SGMS2: variants seen among roughly 807,000 people sequenced by gnomAD.
SGMS2 encodes sphingomyelin synthase 2, also known as phosphatidylcholine:ceramide cholinephosphotransferase 2.
SGMS2 carries 21 observed loss-of-function variants against 43.8 expected under a neutral mutation model. That is an observed-to-expected ratio of 0.48 (90% CI 0.34 to 0.69). The LOEUF (loss-of-function observed/expected upper bound fraction) is 0.69, where lower values mean the gene tolerates loss of function less well. SGMS2 is among the 30% of genes least tolerant of loss of function. The pLI is 0.01. For synonymous variants in SGMS2, 167 were observed against 160.6 expected, an observed-to-expected ratio of 1.04 and a Z score of -0.30; for missense variants, 384 against 443.2, an observed-to-expected ratio of 0.87 and a Z score of 1.20.
intron 1 of SGMS2, among the ~76,000 whole-genome samples, chr4:107,835,209 G>T (rs1461482939): frequency 6.6e-6 from 1 of 152,076 alleles, no homozygotes; most frequent in Non-Finnish European, 1.5e-5. Context: ...CAGAAATAGT[G>T]TAGAATTTTG....
chr4:107,866,271 A>G (rs572208638), intron 2 of SGMS2, among the ~76,000 whole-genome samples: 5 of 152,312 alleles, frequency 3.3e-5, no homozygotes, highest in Admixed American at 3.3e-4. Flanking sequence ...ACCAAGTTAA[A>G]AAAAAACTCT....
At chr4:107,881,747 C>G (rs1374047651) in intron 2 of SGMS2, among the ~76,000 whole-genome samples, 3 of 152,130 alleles carry the variant, frequency 2.0e-5, no homozygotes, top group Admixed American at 2.0e-4. Flanking sequence ...ATCTCTACTT[C>G]ACCCGCCCTG....
chr4:107,891,684 C>T (rs1366970557), intron 2 of SGMS2, among the ~76,000 whole-genome samples: 1 of 152,094 alleles, frequency 6.6e-6, no homozygotes, highest in Non-Finnish European at 1.5e-5. Flanking sequence ...TATAGATGAG[C>T]TTGAGGAGGT....
Position 107,860,971 on chromosome 4 carries a change from A to G in SGMS2, c.-245+2418A>G, listed in dbSNP as rs115363272. On this transcript the variant is annotated intron_variant, in intron 2 of 6. Transcript: ENST00000690982. ...GTTCTTATAGCATCCTGAACTTTCAATTATCTAAACATTTATCTCCCTGTG... is the reference window on the plus strand; with the variant it reads ...GTTCTTATAGCATCCTGAACTTTCAGTTATCTAAACATTTATCTCCCTGTG... 6.5e-4 allele frequency among the ~76,000 whole-genome samples: 99 copies of G among 152,294 alleles called. 2 individuals are homozygous for G. In the East Asian group the frequency reaches 0.012, roughly 18 times the overall value.
intron 1 of SGMS2, among the ~76,000 whole-genome samples, chr4:107,844,664 C>A (rs187584050): frequency 4.1e-4 from 62 of 152,310 alleles, no homozygotes; most frequent in Middle Eastern, 3.4e-3. Flanking sequence ...CGTGATTGCA[C>A]CACCGCTCTC....
At chr4:107,865,410 G>A (rs556380953) in intron 2 of SGMS2, among the ~76,000 whole-genome samples, 10 of 152,142 alleles carry the variant, frequency 6.6e-5, no homozygotes, top group Non-Finnish European at 1.0e-4. Context: ...TGCAATTTCA[G>A]ATTACTTGGG....
chr4:107,898,063 A>G (rs949721585), intron 3 of SGMS2, among the ~76,000 whole-genome samples: 2 of 152,210 alleles, frequency 1.3e-5, no homozygotes, highest in Non-Finnish European at 2.9e-5. Context: ...GCACAATTCA[A>G]AACAGCACTC....
chr4:107,890,500 C>T (rs778717593), intron 2 of SGMS2, among the ~76,000 whole-genome samples: 3 of 151,922 alleles, frequency 2.0e-5, no homozygotes, highest in African/African-American at 2.4e-5. Context: ...CATGGTGAAA[C>T]GTCATCTGTA....
Position 107,910,462 on chromosome 4 carries a change from C to T in SGMS2, c.1007C>T (p.Pro336Leu), listed in dbSNP as rs764567738. 9 of 1,613,998 alleles carry T rather than the reference C, an allele frequency of 5.6e-6. No homozygotes were observed. The highest frequency in any genetic ancestry group is 2.2e-5 in the East Asian group (1 of 44,870). ...TCAATTCCTTGCTGCTTCTCCTGGC[C>T]GCTGTCTTGGCCTCCTGGCTGCTTC... ...QGSIPCCFSWPLSWPPGCFKS... is the reference protein window; with the variant it reads ...QGSIPCCFSWLLSWPPGCFKS... The change falls in exon 7 of 7, where the codon CCG (proline) becomes CTG (leucine). Residue 336 changes from proline (P) to leucine (L), a missense_variant. Coordinates refer to ENST00000690982, the MANE Select transcript of SGMS2 (RefSeq NM_001375905.1).
chr4:107,827,554 G>A (rs76293257), intron 1 of SGMS2, among the ~76,000 whole-genome samples: 7,057 of 152,244 alleles, frequency 0.046, 227 homozygotes, highest in East Asian at 0.11. Context: ...TTATGAGGCC[G>A]AATAATAAAA....
chr4:107,878,683 T>G (rs552368225), intron 2 of SGMS2, among the ~76,000 whole-genome samples: 30 of 152,304 alleles, frequency 2.0e-4, no homozygotes, highest in African/African-American at 7.2e-4. Context: ...CGACTTCCCA[T>G]GTGACTCCAT....
Position 107,910,787 on chromosome 4 carries a change from C to G in SGMS2, c.*234C>G, listed in dbSNP as rs539117748. The G allele has an allele frequency of 8.8e-4, 423 of 478,082 alleles. No homozygotes were observed. The highest frequency in any genetic ancestry group is 1.4e-3 in the Non-Finnish European group (365 of 269,942). The allele number at this position is 478,082 out of a possible 1,614,324, so 29.6% of individuals were successfully genotyped here. A position where few individuals can be genotyped will look rare whatever the true frequency, so the allele number is the denominator to read the frequency against. Reference sequence around the variant, plus strand: ...ATTCATTGGTGACAAGCCCCCACCCCGGGACTTTACTAATGAGCTTGTTAA... The same window carrying G: ...ATTCATTGGTGACAAGCCCCCACCCGGGGACTTTACTAATGAGCTTGTTAA... On this transcript the variant is annotated 3_prime_UTR_variant, in exon 7 of 7. Transcript: ENST00000690982.
intron 2 of SGMS2, among the ~76,000 whole-genome samples, chr4:107,860,545 G>A (rs908233960): frequency 2.0e-4 from 30 of 148,070 alleles, no homozygotes; most frequent in African/African-American, 6.7e-4. Flanking sequence ...TTTTTGAGAC[G>A]GAGCCTCTCT....
intron 2 of SGMS2, among the ~76,000 whole-genome samples, chr4:107,866,716 T>A (rs1465920280): frequency 6.6e-6 from 1 of 152,206 alleles, no homozygotes; most frequent in Non-Finnish European, 1.5e-5. Context: ...TTACCCTATT[T>A]CTTTTCTTTC....
At chr4:107,868,405 G>A (rs1728288072) in intron 2 of SGMS2, among the ~76,000 whole-genome samples, 1 of 152,186 alleles carries the variant, frequency 6.6e-6, no homozygotes, top group Admixed American at 6.5e-5. Context: ...TGCCTTTGAT[G>A]AGTGCATTCT....
chr4:107,833,886 CA>C lies in SGMS2; in HGVS notation c.-327+8634del, dbSNP rs1726029165. On this transcript the variant is annotated intron_variant, in intron 1 of 6. Coordinates refer to ENST00000690982, the MANE Select transcript of SGMS2 (RefSeq NM_001375905.1). ...GTTGACATTATTGGAAAAACTCAAA[CA>C]TCCATTGCTGGCTTTGAAAATGGAA... Among the ~76,000 whole-genome samples, 3 of 152,292 alleles carry C rather than the reference CA, an allele frequency of 2.0e-5. No homozygotes were observed. In the South Asian group the frequency reaches 6.2e-4, roughly 32 times the overall value.
chr4:107,882,395 ATCTG>A lies in SGMS2; in HGVS notation c.-244-12907_-244-12904del, dbSNP rs1263045340. ...AGCACTTTTCATATAGCTGTTTGCC[ATCTG>A]TCTGTCTTTTGAGAAATGTCTATTT... On this transcript the variant is annotated intron_variant, in intron 2 of 6. Transcript: ENST00000690982. 5.3e-5 allele frequency among the ~76,000 whole-genome samples: 8 copies of A among 152,270 alleles called. No homozygotes were observed. The East Asian group carries it at 9.6e-4, about 18-fold the overall frequency.
At chr4:107,876,450 C>T (rs1370783408) in intron 2 of SGMS2, among the ~76,000 whole-genome samples, 2 of 152,144 alleles carry the variant, frequency 1.3e-5, no homozygotes, top group Non-Finnish European at 2.9e-5. Context: ...GGTAACTTTG[C>T]TTAAATCTCA....
chr4:107,827,786 G>C (rs1725675657), intron 1 of SGMS2, among the ~76,000 whole-genome samples: 1 of 152,088 alleles, frequency 6.6e-6, no homozygotes, highest in East Asian at 1.9e-4. Context: ...AGAAGTTCAA[G>C]AGCAGCCTGG....
Sources: gnomAD v4.1 joint callset for allele counts (sites outside exome capture counted in the v4.1 genomes callset) on GRCh38, gnomAD v4.1.1 for gene constraint, MANE v1.5 for transcripts, NCBI Gene and HGNC (gene_info 2026-07-23, HGNC 2026-07-21) for gene names.